SI: variants seen among roughly 807,000 people sequenced by gnomAD.
SI encodes sucrase-isomaltase, intestinal.
In SI, 235 loss-of-function variants were observed where a neutral mutation model predicts 253.3. The ratio of observed to expected loss-of-function variants is 0.93; its 90% CI spans 0.83 to 1.03. The LOEUF (loss-of-function observed/expected upper bound fraction) is 1.03, where lower values mean the gene tolerates loss of function less well. SI is among the 50% of genes least tolerant of loss of function. The pLI is 0.00. For missense variants in SI, 2,442 were observed against 2,211.1 expected, an observed-to-expected ratio of 1.10 and a Z score of -2.09; for synonymous variants, 819 against 712.0, an observed-to-expected ratio of 1.15 and a Z score of -2.39.
upstream of SI, among the ~76,000 whole-genome samples, chr3:165,081,915 G>C (rs1334913879): frequency 6.6e-6 from 1 of 151,928 alleles, no homozygotes; most frequent in East Asian, 1.9e-4. Flanking sequence ...CAGAACCATT[G>C]GAAAGACCGA....
At chr3:165,078,167 C>T (rs1422646504) in intron 1 of SI, among the ~76,000 whole-genome samples, 1 of 151,016 alleles carries the variant, frequency 6.6e-6, no homozygotes, top group African/African-American at 2.4e-5. Context: ...AGTCATTAAA[C>T]AAAACTTGCT....
upstream of SI, among the ~76,000 whole-genome samples, chr3:165,082,668 G>T (rs1343751396): frequency 6.6e-6 from 1 of 151,960 alleles, no homozygotes; most frequent in African/African-American, 2.4e-5. Context: ...GACTGGAAAT[G>T]CAGAGAGAGC....
the SI span, among the ~76,000 whole-genome samples, chr3:165,089,146 C>G: frequency 1.4e-5 from 2 of 144,944 alleles, no homozygotes; most frequent in African/African-American, 5.1e-5. Context: ...TTATGGCTGT[C>G]TTTAGTTTTC....
In SI at chr3:165,030,875, G is replaced by C. The variant is rs771615823; in HGVS notation, c.2737-8C>G. On this transcript the variant is annotated splice_polypyrimidine_tract_variant and splice_region_variant and intron_variant, in intron 24 of 47. Transcript: ENST00000264382. ...ATCTGCAATTAGGAGAACCTTTGAA[G>C]ACAAAAAAAAAAAAAGAAAAAAAGA... is the stretch of plus-strand genomic sequence containing the variant. 4.4e-5 allele frequency: 28 copies of C among 636,610 alleles called. No individual in the cohort carries two copies. The highest frequency in any genetic ancestry group is 1.0e-4 in the East Asian group (2 of 19,620). 39.4% of individuals were successfully genotyped at this position (636,610 alleles called of 1,614,324 possible).
At chr3:165,061,385 T>C (rs1713979430) in intron 9 of SI, among the ~76,000 whole-genome samples, 1 of 152,010 alleles carries the variant, frequency 6.6e-6, no homozygotes, top group Non-Finnish European at 1.5e-5. Context: ...ATTATGATTT[T>C]ATATTACAGA....
In SI at chr3:165,059,040, ATGT is replaced by A. The variant is rs762920768; in HGVS notation, c.1318_1320del (p.Thr440del). 3 of 1,612,588 alleles carry A rather than the reference ATGT, an allele frequency of 1.9e-6. No individual in the cohort carries two copies. The highest frequency in any genetic ancestry group is 1.7e-4 in the Middle Eastern group (1 of 6,056). ...GTGTTTCCCCTCTCATAGGTTGCAT[ATGT>A]TGTTCCATTGGCACGTCGACCTATG... On this transcript the variant is annotated inframe_deletion, in exon 12 of 48. Transcript: ENST00000264382.
At chr3:165,070,214 T>G (rs2108103121) in intron 3 of SI, among the ~76,000 whole-genome samples, 1 of 145,028 alleles carries the variant, frequency 6.9e-6, no homozygotes, top group African/African-American at 2.5e-5. Context: ...ATATATAAAA[T>G]ATGTTTATAT....
upstream of SI, among the ~76,000 whole-genome samples, chr3:165,083,192 C>A (rs1251092909): frequency 2.0e-5 from 3 of 151,838 alleles, no homozygotes; most frequent in Non-Finnish European, 4.4e-5. Context: ...AGTGATAGAA[C>A]CACCTAAATT....
Position 165,032,663 on chromosome 3 carries a change from T to C in SI, c.2595A>G (p.Ser865=). Residue 865 remains serine, a synonymous_variant, in exon 24 of 48, where the codon TCA becomes TCG. Coordinates refer to ENST00000264382, the MANE Select transcript of SI (RefSeq NM_001041.4). ...NNTLDIVCTH[S]SYQEGTTLAF... The stretch of plus-strand genomic sequence containing the variant: ...CTAAGGTAGTTCCTTCCTGATATGA[T>C]GAATGTGTGCACACAATATCTAATG... 6.2e-7 allele frequency: 1 copy of C among 1,606,498 alleles called. No individual in the cohort carries two copies. The highest frequency in any genetic ancestry group is 8.5e-7 in the Non-Finnish European group (1 of 1,174,534).
At chr3:164,997,989 C>A (rs1718093783) in intron 38 of SI, among the ~76,000 whole-genome samples, 1 of 151,598 alleles carries the variant, frequency 6.6e-6, no homozygotes, top group Non-Finnish European at 1.5e-5. Context: ...TTGTAATGAA[C>A]CTTCTTGTGC....
rs200851311 is a variant in SI at position 164,996,521 on chromosome 3, T to C, written c.4692+14A>G. 12 of 1,273,510 alleles carry C rather than the reference T, an allele frequency of 9.4e-6. No homozygotes were observed. In the East Asian group the frequency reaches 2.6e-4, roughly 27 times the overall value. The allele number at this position is 1,273,510 out of a possible 1,614,324, so 78.9% of individuals were successfully genotyped here. ...AGTAAGAAAATACTGAAAGTAAATG[T>C]AGTAATTACATACTCTAGTATTTGC... On this transcript the variant is annotated intron_variant, in intron 40 of 47. Transcript: ENST00000264382.
At chr3:164,995,234 T>A (rs1364159306) in intron 40 of SI, among the ~76,000 whole-genome samples, 1 of 151,620 alleles carries the variant, frequency 6.6e-6, no homozygotes, top group Non-Finnish European at 1.5e-5. Context: ...TGAATGAAAA[T>A]TTCATGTCAT....
intron 32 of SI, 35 bp from the exon 33 acceptor site, chr3:165,015,268 T>C (rs1718970920): frequency 6.8e-7 from 1 of 1,467,402 alleles, no homozygotes; most frequent in Admixed American, 1.7e-5. Context: ...AAGGTACACA[T>C]GAAAAAAGCG....
At chr3:164,993,728 T>A (rs945110696) in intron 41 of SI, among the ~76,000 whole-genome samples, 4 of 151,758 alleles carry the variant, frequency 2.6e-5, no homozygotes, top group African/African-American at 9.7e-5. Context: ...TGAAATAGAA[T>A]TTTTAAGATT....
Position 165,012,989 on chromosome 3 carries a change from T to G in SI, c.4053A>C (p.Glu1351Asp), listed in dbSNP as rs774514961. 6.2e-7 allele frequency: 1 copy of G among 1,603,862 alleles called. No individual in the cohort carries two copies. The highest frequency in any genetic ancestry group is 1.7e-5 in the Admixed American group (1 of 60,008). ...ITIDKTLTED[E>D]AVNASRAHVA... is the part of the protein sequence containing the mutation. ...CCCGTGTAAAACTTACATTAACAGC[T>G]TCATCTTCCGTTAGAGTTTTATCTA... The change falls in exon 34 of 48, where the codon GAA becomes GAC. Residue 1351 changes from glutamate (E) to aspartate (D), a missense_variant. By Grantham distance (45) the Glu-to-Asp change is conservative. Transcript: ENST00000264382.
In SI at chr3:165,058,969, A is replaced by G; in HGVS notation, c.1392T>C (p.Ile464=). ...INESDGSTPI[I]GEVWPGLTVY... Reference sequence around the variant, plus strand: ...AATAAATATCATATTTTACCTCTCCAATAATTGGTGTACTTCCATCTGACT... The same window carrying G: ...AATAAATATCATATTTTACCTCTCCGATAATTGGTGTACTTCCATCTGACT... The change falls in exon 12 of 48, where the codon ATT becomes ATC. Residue 464 remains isoleucine, a synonymous_variant. Transcript: ENST00000264382. 1 of 1,610,744 alleles carries G rather than the reference A, an allele frequency of 6.2e-7. No homozygotes were observed. Among genetic ancestry groups the G allele is most frequent in the East Asian group, 2.2e-5 (1 of 44,718 alleles).
chr3:164,989,846 A>G (rs535141558), intron 44 of SI, among the ~76,000 whole-genome samples: 32 of 152,324 alleles, frequency 2.1e-4, no homozygotes, highest in African/African-American at 7.5e-4. Flanking sequence ...TACATACTGT[A>G]TGATTCCAAC....
intron 3 of SI, among the ~76,000 whole-genome samples, chr3:165,073,058 A>G (rs764864455): frequency 3.0e-4 from 46 of 152,158 alleles, no homozygotes; most frequent in Admixed American, 7.2e-4. Flanking sequence ...GACACTAAAG[A>G]CTAATATTAG....
intron 25 of SI, among the ~76,000 whole-genome samples, chr3:165,029,626 T>G (rs957642682): frequency 1.1e-5 from 1 of 88,446 alleles, no homozygotes; most frequent in Non-Finnish European, 2.8e-5. Context: ...ATATGTAACA[T>G]TAGCCTTATA....
Sources: allele counts gnomAD v4.1 joint callset (sites outside exome capture counted in the v4.1 genomes callset), GRCh38; gene constraint gnomAD v4.1.1; transcripts MANE v1.5; gene names NCBI Gene and HGNC (gene_info 2026-07-23, HGNC 2026-07-21).